Variants in AHCTF1 observed in about 807,000 individuals in gnomAD.
AHCTF1 encodes AT-hook containing transcription factor 1.
AHCTF1 carries 24 observed loss-of-function variants against 248.4 expected under a neutral mutation model. The observed-to-expected ratio is 0.10, with a 90% CI of 0.07 to 0.14. The LOEUF (loss-of-function observed/expected upper bound fraction) is 0.14, where lower values mean the gene tolerates loss of function less well. AHCTF1 is among the 10% of genes least tolerant of loss of function. The pLI is 1.00. For synonymous variants in AHCTF1, 786 were observed against 929.8 expected (o/e 0.85, Z 2.81); for missense variants, 2,206 against 2,636.2 (o/e 0.84, Z 3.57).
intron 33 of AHCTF1, among the ~76,000 whole-genome samples, chr1:246,845,340 G>A (rs979062634): frequency 2.7e-5 from 4 of 150,916 alleles, no homozygotes; most frequent in African/African-American, 9.9e-5. Flanking sequence ...GTACACAGTA[G>A]GTGTATATAT....
chr1:246,924,579 A>G (rs1334326480), intron 1 of AHCTF1, among the ~76,000 whole-genome samples: 1 of 152,162 alleles, frequency 6.6e-6, no homozygotes, highest in African/African-American at 2.4e-5. Context: ...CTTTCTTGTC[A>G]TTCTTATTCT....
intron 1 of AHCTF1, among the ~76,000 whole-genome samples, chr1:246,920,746 G>GA (rs1666483927): frequency 6.6e-6 from 1 of 151,016 alleles, no homozygotes; most frequent in South Asian, 2.1e-4. Flanking sequence ...CTCCAGCCTG[G>GA]GTGACAGAGC....
chr1:246,931,166 C>A lies in AHCTF1; in HGVS notation c.-8+412G>T, dbSNP rs754753473. On this transcript the variant is annotated intron_variant, in intron 1 of 35. Transcript: ENST00000648844. ...CAAGCGCATGTGGAACACACGCCAA[C>A]ACAGGACAGGCTCAGCACGCCGGCC... 1.9e-6 allele frequency: 3 copies of A among 1,550,366 alleles called. No homozygotes were observed. In the South Asian group the frequency reaches 3.6e-5, roughly 18 times the overall value.
At chr1:246,857,566 C>A in intron 30 of AHCTF1, 125 bp downstream of exon 30, 2 of 1,043,110 alleles carry the variant, frequency 1.9e-6, no homozygotes, top group Non-Finnish European at 2.7e-6. Context: ...AAACAGCCAA[C>A]ATTACCAAAA....
rs868320253 is a variant in AHCTF1, at chr1:246,864,888, A to G, written c.3348-772T>C. On this transcript the variant is annotated intron_variant, in intron 26 of 35. Transcript: ENST00000648844. ...AAAAAAAAAAAAAAAAAAAAAAAAA[A>G]AGACTAGACTGACAACCCACACCCA... Among the ~76,000 whole-genome samples the G allele has an allele frequency of 6.0e-4, 87 of 146,108 alleles. 13 individuals are homozygous for G. The South Asian group carries it at 0.02, about 33-fold the overall frequency.
chr1:246,917,850 G>A (rs959117820), intron 2 of AHCTF1, among the ~76,000 whole-genome samples: 2 of 152,094 alleles, frequency 1.3e-5, no homozygotes, highest in African/African-American at 4.8e-5. Context: ...ATCAGAAAAC[G>A]AGATTTTCTG....
intron 21 of AHCTF1, among the ~76,000 whole-genome samples, chr1:246,878,029 T>G (rs968253621): frequency 6.6e-6 from 1 of 151,976 alleles, no homozygotes; most frequent in Non-Finnish European, 1.5e-5. Flanking sequence ...ATATAGGTCT[T>G]GACCCAATGA....
At chr1:246,874,617 T>C (rs912873511) in intron 24 of AHCTF1, among the ~76,000 whole-genome samples, 3 of 152,150 alleles carry the variant, frequency 2.0e-5, no homozygotes, top group African/African-American at 7.2e-5. Context: ...CTGTTTAACA[T>C]TAACTTATCC....
intron 1 of AHCTF1, among the ~76,000 whole-genome samples, chr1:246,928,456 G>A (rs899533930): frequency 6.6e-6 from 1 of 152,064 alleles, no homozygotes; most frequent in Admixed American, 6.6e-5. Flanking sequence ...AATAAATTAG[G>A]ATAACAGGAT....
At chr1:246,929,439 T>C (rs1409142910) in intron 1 of AHCTF1, among the ~76,000 whole-genome samples, 1 of 114,740 alleles carries the variant, frequency 8.7e-6, no homozygotes, top group East Asian at 2.5e-4. Flanking sequence ...AAAAATACAG[T>C]GAAAACATTG....
At chr1:246,926,274 C>T (rs184125630) in intron 1 of AHCTF1, among the ~76,000 whole-genome samples, 2 of 152,268 alleles carry the variant, frequency 1.3e-5, no homozygotes, top group Admixed American at 6.5e-5. Context: ...TATAGCAACA[C>T]AGGCTAACGT....
chr1:246,858,116 T>C (rs1216254962), intron 29 of AHCTF1, among the ~76,000 whole-genome samples: 2 of 151,972 alleles, frequency 1.3e-5, no homozygotes, highest in Non-Finnish European at 2.9e-5. Flanking sequence ...CCCGCCACCA[T>C]GCCCTGCTGA....
rs1553291132 is a variant in AHCTF1, at chr1:246,867,901, CCACACACA to C, written c.3089-98_3089-91del. 51 of 313,818 alleles carry C rather than the reference CCACACACA, an allele frequency of 1.6e-4. No homozygotes were observed. The African/African-American group carries it at 2.0e-3, about 12-fold the overall frequency. 19.4% of individuals were successfully genotyped at this position (313,818 alleles called of 1,614,324 possible). A position where few individuals can be genotyped will look rare whatever the true frequency, so the allele number is the denominator to read the frequency against. ...TGAAAGAATGATTACACCCCCCCCC[CCACACACA>C]CACACACACACATTACGTGGTAATA... On this transcript the variant is annotated intron_variant, in intron 24 of 35. Transcript: ENST00000648844.
intron 8 of AHCTF1, among the ~76,000 whole-genome samples, chr1:246,901,455 T>C (rs1366910338): frequency 6.6e-6 from 1 of 152,096 alleles, no homozygotes; most frequent in Non-Finnish European, 1.5e-5. Flanking sequence ...AAACCCTGTC[T>C]CTACTAAATA....
At chr1:246,880,961 T>C (rs1572409354) in intron 21 of AHCTF1, among the ~76,000 whole-genome samples, 1 of 152,022 alleles carries the variant, frequency 6.6e-6, no homozygotes, top group Admixed American at 6.6e-5. Context: ...TGCATGGGGG[T>C]TCTTGGCAAT....
Position 246,853,302 on chromosome 1 carries a change from G to A in AHCTF1, c.4355-3C>T. 1 of 1,597,112 alleles carries A rather than the reference G, an allele frequency of 6.3e-7. No individual in the cohort carries two copies. Among genetic ancestry groups the A allele is most frequent in the Non-Finnish European group, 8.5e-7 (1 of 1,173,156 alleles). On this transcript the variant is annotated splice_polypyrimidine_tract_variant and splice_region_variant and intron_variant, in intron 31 of 35. Coordinates refer to ENST00000648844, the MANE Select transcript of AHCTF1 (RefSeq NM_001323342.2). ...ATCACCAAGGACATCAGCCATAGCT[G>A]AAAGAAAAATGAGTGAATTTTTTAC...
rs751039101 is a variant in AHCTF1, at chr1:246,876,237, G to C, written c.2938-50C>G. ...AAATTTAACCTTCAAAATGTTAGGTGCTGTAATTCTATATTTACCATTTAA... is the reference window on the plus strand; with the variant it reads ...AAATTTAACCTTCAAAATGTTAGGTCCTGTAATTCTATATTTACCATTTAA... On this transcript the variant is annotated intron_variant, in intron 23 of 35. Transcript: ENST00000648844. 4 of 1,435,076 alleles carry C rather than the reference G, an allele frequency of 2.8e-6. No homozygotes were observed. The East Asian group carries it at 7.3e-5, about 26-fold the overall frequency. The allele number at this position is 1,435,076 out of a possible 1,614,324, so 88.9% of individuals were successfully genotyped here.
intron 24 of AHCTF1, 36 bp from the exon 25 acceptor site, chr1:246,867,847 C>CT: frequency 6.6e-7 from 1 of 1,519,466 alleles, no homozygotes; most frequent in Non-Finnish European, 8.9e-7. Flanking sequence ...AAGTGCATCT[C>CT]TAACAAACGG....
chr1:246,844,971 C>T (rs1374673093), intron 33 of AHCTF1, among the ~76,000 whole-genome samples: 1 of 152,068 alleles, frequency 6.6e-6, no homozygotes, highest in Non-Finnish European at 1.5e-5. Context: ...GCATCAGTTT[C>T]TATAAAATAG....
Sources: allele counts gnomAD v4.1 joint callset (sites outside exome capture counted in the v4.1 genomes callset), GRCh38; gene constraint gnomAD v4.1.1; transcripts MANE v1.5; gene names NCBI Gene and HGNC (gene_info 2026-07-23, HGNC 2026-07-21).